The following BLTP1 variants were observed in gnomAD, a reference collection of about 807,000 sequenced individuals.
BLTP1 encodes bridge-like lipid transfer protein family member 1.
the BLTP1 span, among the ~76,000 whole-genome samples, chr4:122,228,536 T>C: frequency 6.6e-6 from 1 of 152,336 alleles, no homozygotes; most frequent in South Asian, 2.1e-4. Context: ...GCTCTGCCAC[T>C]AATGAGCATT....
chr4:122,209,346 G>A, the BLTP1 span: 8 of 1,608,970 alleles, frequency 5.0e-6, no homozygotes, highest in African/African-American at 1.3e-5. Flanking sequence ...AAGTGAGTAC[G>A]TAAAATTAGT....
the BLTP1 span, chr4:122,307,542 T>A: frequency 1.0e-6 from 1 of 985,052 alleles, no homozygotes; most frequent in South Asian, 4.7e-5. Context: ...GTAAATCAGA[T>A]CCTTTTAATG....
chr4:122,243,617 C>A, the BLTP1 span: 1 of 316,962 alleles, frequency 3.2e-6, no homozygotes, highest in Non-Finnish European at 4.6e-6. Context: ...GGCATAGTGG[C>A]GCATGCCTGT....
the BLTP1 span, chr4:122,362,287 G>A: frequency 1.3e-6 from 2 of 1,492,922 alleles, no homozygotes; most frequent in African/African-American, 1.4e-5. Flanking sequence ...GATTGTGTCT[G>A]TTTTATTACA....
the BLTP1 span, among the ~76,000 whole-genome samples, chr4:122,180,567 A>G: frequency 1.3e-5 from 2 of 152,230 alleles, no homozygotes; most frequent in Admixed American, 1.3e-4. Context: ...ATTGGAACCC[A>G]GATACTAAAC....
chr4:122,323,862 T>A, the BLTP1 span, among the ~76,000 whole-genome samples: 2 of 152,040 alleles, frequency 1.3e-5, no homozygotes, highest in Non-Finnish European at 2.9e-5. Context: ...ATTCCACATA[T>A]TCCCCTCAAT....
the BLTP1 span, chr4:122,245,069 A>C: frequency 6.2e-7 from 1 of 1,612,552 alleles, no homozygotes; most frequent in South Asian, 1.1e-5. Context: ...TCCAGCTGCA[A>C]TTGTAGATGA....
At chr4:122,186,102 C>G in the BLTP1 span, 2 of 1,611,656 alleles carry the variant, frequency 1.2e-6, no homozygotes, top group Non-Finnish European at 1.7e-6. Flanking sequence ...TATAATCGCT[C>G]GGATCTTTAT....
the BLTP1 span, chr4:122,261,198 G>A: frequency 5.0e-6 from 3 of 603,734 alleles, no homozygotes; most frequent in East Asian, 1.4e-4. Flanking sequence ...AAAGAAGACT[G>A]AACTATTGAG....
the BLTP1 span, among the ~76,000 whole-genome samples, chr4:122,275,280 A>G: frequency 6.6e-6 from 1 of 152,068 alleles, no homozygotes; most frequent in Non-Finnish European, 1.5e-5. Context: ...CTTCACTGCA[A>G]TTTTGGGAAC....
chr4:122,173,134 C>T, the BLTP1 span: 1 of 1,611,288 alleles, frequency 6.2e-7, no homozygotes, highest in South Asian at 1.1e-5. Flanking sequence ...ATTATACAAG[C>T]ATGGCTATAT....
chr4:122,236,741 CTCTT>C, the BLTP1 span: 2 of 936,684 alleles, frequency 2.1e-6, no homozygotes, highest in Admixed American at 6.2e-5. Flanking sequence ...ATAGTAAATT[CTCTT>C]TCTAACATTG....
chr4:122,162,570 G>C, the BLTP1 span: 1 of 985,354 alleles, frequency 1.0e-6, no homozygotes, highest in Non-Finnish European at 1.2e-6. Context: ...GGAGTTGGGG[G>C]ATTTGGGTCA....
chr4:122,224,415 T>C, the BLTP1 span: 2 of 1,395,508 alleles, frequency 1.4e-6, no homozygotes, highest in Non-Finnish European at 1.9e-6. Context: ...TGTTCATCTC[T>C]GCAGGGGGTG....
chr4:122,185,307 G>A, the BLTP1 span: 6 of 982,212 alleles, frequency 6.1e-6, no homozygotes, highest in Non-Finnish European at 7.3e-6. Flanking sequence ...AAAATGGATA[G>A]AGGTTATAAA....
the BLTP1 span, among the ~76,000 whole-genome samples, chr4:122,171,146 A>G: frequency 1.3e-5 from 2 of 152,164 alleles, no homozygotes; most frequent in African/African-American, 4.8e-5. Context: ...TATATGCCTA[A>G]TCTTTTAATC....
chr4:122,354,095 A>G, the BLTP1 span: 2 of 1,257,652 alleles, frequency 1.6e-6, no homozygotes, highest in Non-Finnish European at 2.3e-6. Flanking sequence ...TAGAATTTAA[A>G]TGGAGATGGT....
At chr4:122,322,225 T>C in the BLTP1 span, among the ~76,000 whole-genome samples, 1 of 151,876 alleles carries the variant, frequency 6.6e-6, no homozygotes, top group Non-Finnish European at 1.5e-5. Context: ...TTTGTTTTTT[T>C]AGTCTCTGTT....
chr4:122,271,119 C>G, the BLTP1 span: 2 of 1,613,942 alleles, frequency 1.2e-6, no homozygotes, highest in Non-Finnish European at 1.7e-6. Flanking sequence ...GTGTGCACCC[C>G]TCAGAACTCT....
Sources: allele counts gnomAD v4.1 joint callset (sites outside exome capture counted in the v4.1 genomes callset), GRCh38; gene constraint gnomAD v4.1.1; transcripts MANE v1.5; gene names NCBI Gene and HGNC (gene_info 2026-07-23, HGNC 2026-07-21).